DOK6: variants seen among roughly 807,000 people sequenced by gnomAD.
The protein encoded by DOK6 is downstream of tyrosine kinase 6.
A neutral mutation model predicts 44.0 loss-of-function variants in DOK6; 22 were observed. That is an observed-to-expected ratio of 0.50 (90% CI 0.36 to 0.71). DOK6 has a LOEUF of 0.71. Among genes scored for constraint, DOK6 ranks in the 30% least tolerant of loss-of-function variants. The pLI is 0.00. For synonymous variants in DOK6, 166 were observed against 145.5 expected (o/e 1.14, Z -1.01); for missense variants, 340 against 416.4 (o/e 0.82, Z 1.60).
intron 5 of DOK6, among the ~76,000 whole-genome samples, chr18:69,708,767 G>A (rs1315145564): frequency 7.1e-6 from 1 of 140,054 alleles, no homozygotes; most frequent in African/African-American, 2.7e-5. Context: ...CTGGGTGACA[G>A]GGCAAAAATC....
chr18:69,813,463 G>A (rs1981303204), intron 7 of DOK6, among the ~76,000 whole-genome samples: 1 of 152,088 alleles, frequency 6.6e-6, no homozygotes, highest in Admixed American at 6.6e-5. Context: ...TACTGATCTA[G>A]TGAAGTATGA....
chr18:69,669,705 T>C lies in DOK6; in HGVS notation c.290-8029T>C, dbSNP rs555516946. ...CGACCCTCCTGGCTCTTGTTCTTGG[T>C]TGGCTTTTGGCAGATCAGCATTCTC... On this transcript the variant is annotated intron_variant, in intron 3 of 7. Transcript: ENST00000382713. 2.0e-5 allele frequency among the ~76,000 whole-genome samples: 3 copies of C among 152,290 alleles called. No homozygotes were observed. In the East Asian group the frequency reaches 5.8e-4, roughly 29 times the overall value.
intron 5 of DOK6, among the ~76,000 whole-genome samples, chr18:69,706,044 G>A (rs1429225889): frequency 4.6e-5 from 7 of 152,198 alleles, no homozygotes; most frequent in African/African-American, 1.2e-4. Flanking sequence ...ACAATTACTG[G>A]TCTCAAGCGA....
rs756223452 is a variant in DOK6 at position 69,739,001 on chromosome 18, A to G, written c.636A>G (p.Gln212=). The G allele has an allele frequency of 7.4e-6, 12 of 1,614,092 alleles. No individual in the cohort carries two copies. Among genetic ancestry groups the G allele is most frequent in the Non-Finnish European group, 1.0e-5 (12 of 1,179,940 alleles). The change falls in exon 6 of 8, where the codon CAA becomes CAG. Residue 212 remains glutamine, a synonymous_variant. Coordinates refer to ENST00000382713, the MANE Select transcript of DOK6 (RefSeq NM_152721.6). ...CDTGEGLFTF[Q]TREGEMIYQK... The stretch of plus-strand genomic sequence containing the variant: ...CAGGAGAAGGACTATTCACTTTTCA[A>G]ACAAGGGAAGGAGAAATGATCTATC...
chr18:69,559,276 G>T (rs1373468344), intron 1 of DOK6, among the ~76,000 whole-genome samples: 2 of 151,918 alleles, frequency 1.3e-5, no homozygotes, highest in Non-Finnish European at 2.9e-5. Flanking sequence ...GCAAGTATGT[G>T]TATTTACATA....
chr18:69,410,659 C>T (rs192065356), intron 1 of DOK6, among the ~76,000 whole-genome samples: 8 of 152,278 alleles, frequency 5.3e-5, no homozygotes, highest in Non-Finnish European at 1.2e-4. Context: ...TGAGGACTTT[C>T]CAGGCTCTCT....
At chr18:69,452,623 G>C (rs1366739178) in intron 1 of DOK6, among the ~76,000 whole-genome samples, 1 of 144,010 alleles carries the variant, frequency 6.9e-6, no homozygotes. Context: ...GAGAATTTTA[G>C]ACCAATATCC....
At chr18:69,483,546 A>C (rs980101713) in intron 1 of DOK6, 1 of 152,090 alleles carries the variant, frequency 6.6e-6, no homozygotes, top group African/African-American at 2.4e-5. Flanking sequence ...ATTGGGACAG[A>C]CTACGAAGTA....
At chr18:69,467,399 C>A (rs535708364) in intron 1 of DOK6, among the ~76,000 whole-genome samples, 91 of 152,144 alleles carry the variant, frequency 6.0e-4, no homozygotes, top group Non-Finnish European at 1.1e-3. Context: ...TATTTTGAAT[C>A]AGGAACATGA....
In DOK6 at chr18:69,510,122, A is replaced by G. The variant is rs564546015; in HGVS notation, c.67-54365A>G. The stretch of plus-strand genomic sequence containing the variant: ...TGTTTCAGAAACTTGCTATTATTTT[A>G]AAGTCATTTTGGCTAAAGTTTGAAT... On this transcript the variant is annotated intron_variant, in intron 1 of 7. Transcript: ENST00000382713. Among the ~76,000 whole-genome samples, 6 of 152,310 alleles carry G rather than the reference A, an allele frequency of 3.9e-5. No homozygotes were observed. In the South Asian group the frequency reaches 1.0e-3, roughly 26 times the overall value.
chr18:69,533,032 G>A lies in DOK6; in HGVS notation c.67-31455G>A, dbSNP rs146940659. ...CAAACAGATAGTCATTTTGAAAAAT[G>A]ACAATTTTTGATACTCTAAAAGAAA... is the stretch of plus-strand genomic sequence containing the variant. On this transcript the variant is annotated intron_variant, in intron 1 of 7. Transcript: ENST00000382713. 3.6e-3 allele frequency among the ~76,000 whole-genome samples: 551 copies of A among 152,046 alleles called. 6 individuals are homozygous for A. Among genetic ancestry groups the A allele is most frequent in the Middle Eastern group, 0.014 (4 of 294 alleles).
chr18:69,504,231 A>G (rs141981242), intron 1 of DOK6, among the ~76,000 whole-genome samples: 3 of 152,214 alleles, frequency 2.0e-5, no homozygotes, highest in African/African-American at 7.2e-5. Flanking sequence ...ACAAAGATCT[A>G]TCTCTTTGTT....
At chr18:69,449,835 C>T (rs893210582) in intron 1 of DOK6, among the ~76,000 whole-genome samples, 1 of 151,482 alleles carries the variant, frequency 6.6e-6, no homozygotes, top group African/African-American at 2.4e-5. Flanking sequence ...TCCAACAGAC[C>T]TGCAGCTGAG....
Position 69,632,267 on chromosome 18 carries a change from T to C in DOK6, c.289+32769T>C, listed in dbSNP as rs560453336. Among the ~76,000 whole-genome samples the C allele has an allele frequency of 1.2e-4, 19 of 152,312 alleles. No homozygotes were observed. In the East Asian group the frequency reaches 3.5e-3, roughly 28 times the overall value. On this transcript the variant is annotated intron_variant, in intron 3 of 7. Coordinates refer to ENST00000382713, the MANE Select transcript of DOK6 (RefSeq NM_152721.6). ...GTGGGAAATTGAGTGTAACATATAGTGTAATCAACACTTAGGTTTTCTTGC... is the reference window on the plus strand; with the variant it reads ...GTGGGAAATTGAGTGTAACATATAGCGTAATCAACACTTAGGTTTTCTTGC...
chr18:69,841,758 A>G lies in DOK6; in HGVS notation c.*375A>G, dbSNP rs1299551559. 1 of 202,236 alleles carries G rather than the reference A, an allele frequency of 4.9e-6. No homozygotes were observed. Among genetic ancestry groups the G allele is most frequent in the East Asian group, 1.1e-4 (1 of 9,416 alleles). The allele number at this position is 202,236 out of a possible 1,614,324, so 12.5% of individuals were successfully genotyped here. A position where few individuals can be genotyped will look rare whatever the true frequency, so the allele number is the denominator to read the frequency against. On this transcript the variant is annotated 3_prime_UTR_variant, in exon 8 of 8. Coordinates refer to ENST00000382713, the MANE Select transcript of DOK6 (RefSeq NM_152721.6). ...ACTGACCTCACAGCGCAGTCCGCCC[A>G]TCTGAGCACAGGGTCTGTCCTTAGA...
chr18:69,614,525 T>C (rs914060582), intron 3 of DOK6, among the ~76,000 whole-genome samples: 3 of 142,078 alleles, frequency 2.1e-5, no homozygotes, highest in African/African-American at 5.2e-5. Context: ...CTTCACGTAA[T>C]TATCACTTTA....
At chr18:69,767,631 C>T (rs1662702158) in intron 7 of DOK6, among the ~76,000 whole-genome samples, 1 of 152,010 alleles carries the variant, frequency 6.6e-6, no homozygotes, top group Non-Finnish European at 1.5e-5. Context: ...AATTAGCTTA[C>T]CCTAACTGCC....
intron 2 of DOK6, among the ~76,000 whole-genome samples, chr18:69,585,803 T>A (rs1190460798): frequency 6.6e-6 from 1 of 152,234 alleles, no homozygotes; most frequent in Non-Finnish European, 1.5e-5. Context: ...TGATACAATG[T>A]CATCACATGC....
At chr18:69,528,267 C>G (rs749383891) in intron 1 of DOK6, among the ~76,000 whole-genome samples, 11 of 152,036 alleles carry the variant, frequency 7.2e-5, no homozygotes, top group Non-Finnish European at 1.6e-4. Flanking sequence ...TTCTTTCCTC[C>G]ATTCTTTCCC....
Sources: allele counts gnomAD v4.1 joint callset (sites outside exome capture counted in the v4.1 genomes callset), GRCh38; gene constraint gnomAD v4.1.1; transcripts MANE v1.5; gene names NCBI Gene and HGNC (gene_info 2026-07-23, HGNC 2026-07-21).